Variants in DDX10 observed in about 807,000 individuals in gnomAD.
DDX10 encodes DEAD-box helicase 10, also known as probable ATP-dependent RNA helicase DDX10.
DDX10 carries 74 observed loss-of-function variants against 104.3 expected under a neutral mutation model. That is an observed-to-expected ratio of 0.71 (90% CI 0.59 to 0.86). The LOEUF is 0.86. DDX10 is among the 40% of genes least tolerant of loss of function. The probability of loss-of-function intolerance (pLI) is 0.00; values close to 1 mark genes in which losing one functional copy is unlikely to be tolerated. For missense variants in DDX10, 952 were observed against 1,040.0 expected, an observed-to-expected ratio of 0.92 and a Z score of 1.16; for synonymous variants, 351 against 353.4, an observed-to-expected ratio of 0.99 and a Z score of 0.08.
intron 9 of DDX10, among the ~76,000 whole-genome samples, chr11:108,702,413 T>C (rs541821500): frequency 6.6e-6 from 1 of 152,296 alleles, no homozygotes; most frequent in South Asian, 2.1e-4. Flanking sequence ...CTAAGAGAAC[T>C]GAGGGTGGCT....
rs2615720 is a variant in DDX10, at chr11:108,790,813, C to A, written c.1966-47633C>A. On this transcript the variant is annotated intron_variant, in intron 13 of 17. Transcript: ENST00000322536. ...TACCTTAAGGTACCTCCCACCCACA[C>A]ACACTTTCAGTCTCTTTTTTAGTTT... 2.0e-5 allele frequency among the ~76,000 whole-genome samples: 3 copies of A among 152,112 alleles called. No individual in the cohort carries two copies. The East Asian group carries it at 5.8e-4, about 29-fold the overall frequency.
At chr11:108,935,785 T>G (rs1864029730) in intron 17 of DDX10, among the ~76,000 whole-genome samples, 1 of 152,198 alleles carries the variant, frequency 6.6e-6, no homozygotes, top group Non-Finnish European at 1.5e-5. Flanking sequence ...TGTGTATCCA[T>G]TTTCACAAAA....
At chr11:108,670,215 C>T (rs1421652967) in intron 1 of DDX10, among the ~76,000 whole-genome samples, 1 of 152,048 alleles carries the variant, frequency 6.6e-6, no homozygotes, top group Admixed American at 6.6e-5. Flanking sequence ...TTGGTAGAGT[C>T]TAGGTCTTGG....
intron 16 of DDX10, among the ~76,000 whole-genome samples, chr11:108,911,255 C>T (rs1255796725): frequency 6.6e-6 from 1 of 152,156 alleles, no homozygotes. Flanking sequence ...ATGAAGACAT[C>T]TTTGTCTTAA....
chr11:108,917,714 A>G (rs547666812), intron 16 of DDX10, among the ~76,000 whole-genome samples, 159 bp from the exon 17 acceptor site: 2 of 152,228 alleles, frequency 1.3e-5, no homozygotes, highest in South Asian at 2.1e-4. Flanking sequence ...TTCTTTGCCA[A>G]TGGTTGTGGT....
Position 108,705,603 on chromosome 11 carries a change from C to T in DDX10, c.1224-1136C>T, listed in dbSNP as rs140222198. ...CACTGGAGACAGGGATTTTCATCTT[C>T]TGTTTCTTTATGTTCTTTACAGTTC... On this transcript the variant is annotated intron_variant, in intron 9 of 17. Transcript: ENST00000322536. Among the ~76,000 whole-genome samples the T allele has an allele frequency of 5.9e-3, 903 of 152,240 alleles. 15 individuals are homozygous for T. Among genetic ancestry groups the T allele is most frequent in the South Asian group, 0.02 (96 of 4,822 alleles).
At chr11:108,726,446 A>G (rs1161078316) in intron 13 of DDX10, among the ~76,000 whole-genome samples, 1 of 152,072 alleles carries the variant, frequency 6.6e-6, no homozygotes, top group African/African-American at 2.4e-5. Flanking sequence ...TTACTATTTG[A>G]TATTTTTTAA....
In DDX10 at chr11:108,665,113, C is replaced by T. The variant is rs371202116; in HGVS notation, c.-41C>T. 12 of 1,562,606 alleles carry T rather than the reference C, an allele frequency of 7.7e-6. No homozygotes were observed. The highest frequency in any genetic ancestry group is 4.1e-5 in the African/African-American group (3 of 72,422). On this transcript the variant is annotated 5_prime_UTR_variant, in exon 1 of 18. Coordinates refer to ENST00000322536, the MANE Select transcript of DDX10 (RefSeq NM_004398.4). Reference sequence around the variant, plus strand: ...TCCGTGAGTCTGGCCTTAGGTGTCTCGTGTCTGGGGTTGATCCGAGCTGTC... The same window carrying T: ...TCCGTGAGTCTGGCCTTAGGTGTCTTGTGTCTGGGGTTGATCCGAGCTGTC...
At chr11:108,911,116 T>C (rs531221718) in intron 16 of DDX10, among the ~76,000 whole-genome samples, 37 of 152,312 alleles carry the variant, frequency 2.4e-4, no homozygotes, top group African/African-American at 8.2e-4. Context: ...TTAATGCTTA[T>C]GTGGGTAACG....
At chr11:108,909,490 C>T (rs1395692407) in intron 16 of DDX10, among the ~76,000 whole-genome samples, 1 of 151,582 alleles carries the variant, frequency 6.6e-6, no homozygotes, top group Non-Finnish European at 1.5e-5. Flanking sequence ...CTACTCCCGC[C>T]CCTTCCCTTG....
chr11:108,867,032 T>G (rs1226319347), intron 16 of DDX10, among the ~76,000 whole-genome samples: 1 of 152,136 alleles, frequency 6.6e-6, no homozygotes, highest in South Asian at 2.1e-4. Context: ...GATGAGTGTT[T>G]GTGAAAGTTC....
At chr11:108,852,007 A>G in intron 15 of DDX10, 146 bp from the exon 16 acceptor site, 1 of 631,670 alleles carries the variant, frequency 1.6e-6, no homozygotes, top group Admixed American at 3.0e-5. Flanking sequence ...TACTTGTGCC[A>G]ATCCCATAGT....
At chr11:108,899,349 C>G (rs1863484230) in intron 16 of DDX10, among the ~76,000 whole-genome samples, 1 of 151,536 alleles carries the variant, frequency 6.6e-6, no homozygotes, top group South Asian at 2.1e-4. Flanking sequence ...GATTTTAAAA[C>G]CAATTACAGA....
intron 16 of DDX10, among the ~76,000 whole-genome samples, chr11:108,904,719 G>A (rs1051265064): frequency 2.6e-5 from 4 of 151,458 alleles, no homozygotes; most frequent in Non-Finnish European, 4.4e-5. Context: ...AACTAGTTCC[G>A]TCAGGGTTTT....
intron 13 of DDX10, among the ~76,000 whole-genome samples, chr11:108,768,288 G>C (rs1392272276): frequency 1.3e-5 from 2 of 152,088 alleles, no homozygotes; most frequent in African/African-American, 2.4e-5. Context: ...GTGTATCTGT[G>C]GTTTCCAAAG....
intron 17 of DDX10, among the ~76,000 whole-genome samples, chr11:108,923,419 G>T (rs913010328): frequency 1.3e-5 from 2 of 152,166 alleles, no homozygotes; most frequent in Admixed American, 1.3e-4. Flanking sequence ...TATGTGGAGT[G>T]CCAAGGAATA....
At chr11:108,846,129 G>A (rs1862714412) in intron 15 of DDX10, among the ~76,000 whole-genome samples, 1 of 151,954 alleles carries the variant, frequency 6.6e-6, no homozygotes, top group South Asian at 2.1e-4. Context: ...AAAATTTTAT[G>A]TTATCTTTAA....
chr11:108,740,719 A>G (rs978939972), intron 13 of DDX10, among the ~76,000 whole-genome samples: 2 of 151,804 alleles, frequency 1.3e-5, no homozygotes, highest in African/African-American at 4.8e-5. Flanking sequence ...TTTGATTTGC[A>G]TTTCTCTAAT....
rs114114781 is a variant in DDX10, at chr11:108,910,222, A to G, written c.2305-7651A>G. ...AAAAACAAAAACACTGTATAGGCACATCCAAAGTTTTAATGATGAGATTTG... is the reference window on the plus strand; with the variant it reads ...AAAAACAAAAACACTGTATAGGCACGTCCAAAGTTTTAATGATGAGATTTG... On this transcript the variant is annotated intron_variant, in intron 16 of 17. Transcript: ENST00000322536. Among the ~76,000 whole-genome samples, 1,197 of 152,328 alleles carry G rather than the reference A, an allele frequency of 7.9e-3. 13 individuals are homozygous for G. The highest frequency in any genetic ancestry group is 0.026 in the African/African-American group (1,095 of 41,574).
Sources: allele counts gnomAD v4.1 joint callset (sites outside exome capture counted in the v4.1 genomes callset), GRCh38; gene constraint gnomAD v4.1.1; transcripts MANE v1.5; gene names NCBI Gene and HGNC (gene_info 2026-07-23, HGNC 2026-07-21).